Variants in HTR2C observed in about 807,000 individuals in gnomAD.
The protein encoded by HTR2C is 5-hydroxytryptamine (serotonin) receptor 2C, G protein-coupled.
Under a neutral mutation model 21.0 loss-of-function variants are expected in HTR2C, and 5 were observed. That is an observed-to-expected ratio of 0.24 (90% CI 0.12 to 0.50). The LOEUF (loss-of-function observed/expected upper bound fraction) is 0.50. HTR2C is among the 20% of genes least tolerant of loss of function. The probability of loss-of-function intolerance (pLI) is 0.98; values close to 1 mark genes in which losing one functional copy is unlikely to be tolerated. For missense variants in HTR2C, 271 were observed against 371.2 expected (o/e 0.73, Z 2.22); for synonymous variants, 150 against 145.3 (o/e 1.03, Z -0.23).
At chrX:114,743,653 G>A (rs1210837516) in intron 4 of HTR2C, among the ~76,000 whole-genome samples, 7 of 111,293 alleles carry the variant, frequency 6.3e-5, no homozygotes, top group African/African-American at 2.3e-4. Context: ...TGTGCCATTA[G>A]AGTCCCAAAG....
At chrX:114,889,840 C>T (rs982282324) in intron 5 of HTR2C, among the ~76,000 whole-genome samples, 1 of 111,570 alleles carries the variant, frequency 9.0e-6, no homozygotes, top group Non-Finnish European at 1.9e-5. Context: ...GGAGGGTCAG[C>T]TGTTATTTTT....
intron 4 of HTR2C, among the ~76,000 whole-genome samples, chrX:114,755,174 AG>A (rs1556429626): frequency 9.6e-6 from 1 of 104,507 alleles, no homozygotes; most frequent in East Asian, 3.2e-4. Flanking sequence ...CAGGAGGTGG[AG>A]GTTGCAGTGA....
intron 2 of HTR2C, among the ~76,000 whole-genome samples, chrX:114,712,124 T>G (rs1313799137): frequency 7.1e-5 from 8 of 112,103 alleles, no homozygotes; most frequent in African/African-American, 1.9e-4. Flanking sequence ...AATGCATAAT[T>G]TAGTCAGCAT....
chrX:114,655,912 T>C (rs781886777), intron 2 of HTR2C, among the ~76,000 whole-genome samples: 2 of 111,733 alleles, frequency 1.8e-5, no homozygotes, highest in East Asian at 2.8e-4. Flanking sequence ...TCATTTCAAA[T>C]ATGCATTTAA....
At chrX:114,750,462 G>C (rs2069751086) in intron 4 of HTR2C, among the ~76,000 whole-genome samples, 1 of 112,246 alleles carries the variant, frequency 8.9e-6, no homozygotes, top group Admixed American at 9.5e-5. Flanking sequence ...ACACTGTCTA[G>C]AGGCAAGTCT....
intron 4 of HTR2C, among the ~76,000 whole-genome samples, chrX:114,834,359 G>A (rs1205411105): frequency 9.6e-6 from 1 of 103,883 alleles, no homozygotes; most frequent in African/African-American, 3.5e-5. Context: ...GGTCACTCAG[G>A]ACTTGCTTTA....
intron 5 of HTR2C, among the ~76,000 whole-genome samples, chrX:114,906,231 A>G (rs782392601): frequency 8.9e-6 from 1 of 112,194 alleles, no homozygotes. Context: ...TGATTCAACA[A>G]ATATTTATCG....
intron 4 of HTR2C, among the ~76,000 whole-genome samples, chrX:114,828,811 A>C (rs187175059): frequency 3.5e-4 from 39 of 112,144 alleles, no homozygotes; most frequent in Admixed American, 3.3e-3. Context: ...ATTTCGTATA[A>C]ATAAAGTCAT....
Position 114,812,452 on chromosome X carries a change from G to A in HTR2C, c.350-35551G>A, listed in dbSNP as rs1204817644. Among the ~76,000 whole-genome samples the A allele has an allele frequency of 4.5e-5, 5 of 110,815 alleles. No individual in the cohort carries two copies. The East Asian group carries it at 8.5e-4, about 19-fold the overall frequency. On this transcript the variant is annotated intron_variant, in intron 4 of 5. Transcript: ENST00000276198. ...AATAATGAAAAGGCTATCTTGGGCC[G>A]GGCTCGGTGGCTTACACCTATAATC...
chrX:114,885,458 C>T (rs909606460), intron 5 of HTR2C, among the ~76,000 whole-genome samples: 2 of 111,172 alleles, frequency 1.8e-5, no homozygotes, highest in African/African-American at 3.3e-5. Context: ...ATCATTAAGC[C>T]ACACGCAACT....
intron 4 of HTR2C, among the ~76,000 whole-genome samples, chrX:114,846,733 G>C (rs1240205126): frequency 1.8e-5 from 2 of 112,196 alleles, no homozygotes; most frequent in African/African-American, 6.5e-5. Context: ...TCTAAGATCA[G>C]GGAAAAAAGG....
chrX:114,770,508 T>C (rs1178663749), intron 4 of HTR2C, among the ~76,000 whole-genome samples: 2 of 111,729 alleles, frequency 1.8e-5, no homozygotes, highest in Non-Finnish European at 1.9e-5. Flanking sequence ...TCTAATGAAT[T>C]TACCATTTCA....
intron 5 of HTR2C, among the ~76,000 whole-genome samples, chrX:114,868,212 G>C (rs908860147): frequency 9.1e-6 from 1 of 110,087 alleles, no homozygotes; most frequent in Non-Finnish European, 1.9e-5. Context: ...TCATTATAGA[G>C]ATTTTTCACT....
intron 2 of HTR2C, among the ~76,000 whole-genome samples, chrX:114,639,743 G>A (rs782658385): frequency 3.6e-5 from 4 of 112,180 alleles, no homozygotes; most frequent in Admixed American, 9.5e-5. Context: ...TAATGTTGCA[G>A]TGATAAAATA....
intron 4 of HTR2C, among the ~76,000 whole-genome samples, chrX:114,787,470 A>G (rs1271985306): frequency 8.9e-6 from 1 of 111,969 alleles, no homozygotes; most frequent in Non-Finnish European, 1.9e-5. Context: ...TGGGTATGGA[A>G]AAAATGAACT....
At chrX:114,702,577 G>A (rs1313282563) in intron 2 of HTR2C, among the ~76,000 whole-genome samples, 2 of 111,337 alleles carry the variant, frequency 1.8e-5, no homozygotes, top group East Asian at 5.7e-4. Flanking sequence ...ACATGGAAAG[G>A]AACAACCGGT....
chrX:114,787,872 G>A (rs1238802072), intron 4 of HTR2C, among the ~76,000 whole-genome samples: 1 of 107,706 alleles, frequency 9.3e-6, no homozygotes, highest in Non-Finnish European at 1.9e-5. Context: ...GCGTGAACCC[G>A]GGAGGCAGAG....
At chrX:114,883,668 A>G (rs1186098840) in intron 5 of HTR2C, among the ~76,000 whole-genome samples, 1 of 110,257 alleles carries the variant, frequency 9.1e-6, no homozygotes, top group African/African-American at 3.3e-5. Flanking sequence ...TAATTGACCA[A>G]TAAGTATATA....
At chrX:114,631,027 C>T (rs1008221854) in intron 2 of HTR2C, 3 of 216,730 alleles carry the variant, frequency 1.4e-5, no homozygotes, top group East Asian at 1.0e-4. Flanking sequence ...TATGTCTGGC[C>T]GGGCGCGGTG....
Sources: allele counts gnomAD v4.1 joint callset (sites outside exome capture counted in the v4.1 genomes callset), GRCh38; gene constraint gnomAD v4.1.1; transcripts MANE v1.5; gene names NCBI Gene and HGNC (gene_info 2026-07-23, HGNC 2026-07-21).